The following COL5A1 variants were observed in gnomAD, a reference collection of about 807,000 sequenced individuals.
The protein encoded by COL5A1 is collagen type V alpha 1 chain.
COL5A1 carries 16 observed loss-of-function variants against 263.7 expected under a neutral mutation model. The ratio of observed to expected loss-of-function variants is 0.06; its 90% CI spans 0.04 to 0.09. The LOEUF (loss-of-function observed/expected upper bound fraction) is 0.09, where lower values mean the gene tolerates loss of function less well. Ranked by LOEUF, COL5A1 falls within the 10% of genes least tolerant of loss-of-function variation. The pLI is 1.00. For synonymous variants in COL5A1, 1,012 were observed against 1,004.5 expected, an observed-to-expected ratio of 1.01 and a Z score of -0.14; for missense variants, 2,036 against 2,540.5, an observed-to-expected ratio of 0.80 and a Z score of 4.27.
intron 2 of COL5A1, among the ~76,000 whole-genome samples, chr9:134,697,255 G>A (rs192960527): frequency 1.3e-5 from 2 of 152,262 alleles, no homozygotes; most frequent in East Asian, 3.9e-4. Flanking sequence ...CCATCTCACA[G>A]TGACAATAAA....
intron 39 of COL5A1, among the ~76,000 whole-genome samples, chr9:134,804,120 A>T (rs964820133): frequency 6.6e-6 from 1 of 152,206 alleles, no homozygotes. Flanking sequence ...AAGTGAAGCA[A>T]ATGAAGAAAT....
At chr9:134,659,385 A>T (rs962752305) in intron 1 of COL5A1, among the ~76,000 whole-genome samples, 2 of 152,186 alleles carry the variant, frequency 1.3e-5, no homozygotes, top group Non-Finnish European at 2.9e-5. Flanking sequence ...ACTCCATCTC[A>T]AAACAATAAT....
intron 4 of COL5A1, among the ~76,000 whole-genome samples, chr9:134,715,054 C>T (rs1287485326): frequency 1.3e-5 from 2 of 152,000 alleles, no homozygotes; most frequent in Admixed American, 1.3e-4. Context: ...AGGGGACCAG[C>T]GCTCAGCATA....
At position 134,841,256 on chromosome 9, in the gene COL5A1, G is replaced by A. The variant is rs1830096161; in HGVS notation, c.5371-901G>A. Among the ~76,000 whole-genome samples the A allele has an allele frequency of 1.3e-5, 2 of 152,370 alleles. No individual in the cohort carries two copies. Among genetic ancestry groups the A allele is most frequent in the South Asian group, 4.1e-4 (2 of 4,826 alleles). On this transcript the variant is annotated intron_variant, in intron 65 of 65. Coordinates refer to ENST00000371817, the MANE Select transcript of COL5A1 (RefSeq NM_000093.5). The surrounding 1 kb of genome is among the most constrained non-coding windows in gnomAD (Gnocchi z 4.8). ...GCGTTTGCAGGCTCCTGGTTTGCGGGAAAGGTGCGGCCTCCAGGGCCCTTG... is the reference window on the plus strand; with the variant it reads ...GCGTTTGCAGGCTCCTGGTTTGCGGAAAAGGTGCGGCCTCCAGGGCCCTTG...
Position 134,745,172 on chromosome 9 carries a change from C to T in COL5A1, c.1495-5370C>T, listed in dbSNP as rs76566791. ...GAACTGTGGGTTTCTCTGCTGTAGC[C>T]CTGGAGGCAGTGTGTGTCTCCCAAA... On this transcript the variant is annotated intron_variant, in intron 11 of 65. Transcript: ENST00000371817. 2.3e-3 allele frequency among the ~76,000 whole-genome samples: 352 copies of T among 152,302 alleles called. 1 individual carries two copies. The highest frequency in any genetic ancestry group is 8.0e-3 in the African/African-American group (331 of 41,568).
intron 10 of COL5A1, 81 bp from the exon 11 acceptor site, chr9:134,738,665 T>C: frequency 8.5e-7 from 1 of 1,174,888 alleles, no homozygotes; most frequent in Non-Finnish European, 1.3e-6. Flanking sequence ...CCCCCACCTC[T>C]GCCTTGGTTG....
chr9:134,679,984 A>C (rs573190324), intron 1 of COL5A1, among the ~76,000 whole-genome samples: 1 of 152,164 alleles, frequency 6.6e-6, no homozygotes, highest in East Asian at 1.9e-4. Context: ...GTGCCGGGTC[A>C]GGTGGGCCTG....
intron 9 of COL5A1, among the ~76,000 whole-genome samples, chr9:134,736,359 A>G (rs563992854): frequency 6.6e-6 from 1 of 152,356 alleles, no homozygotes; most frequent in East Asian, 1.9e-4. Context: ...ACATAGCGGA[A>G]GGCATCGCAT....
Position 134,652,840 on chromosome 9 carries a change from C to T in COL5A1, c.109+10544C>T, listed in dbSNP as rs2132475837. 2.4e-6 allele frequency: 1 copy of T among 422,946 alleles called. No individual in the cohort carries two copies. Among genetic ancestry groups the T allele is most frequent in the South Asian group, 1.7e-5 (1 of 58,344 alleles). 26.2% of individuals were successfully genotyped at this position (422,946 alleles called of 1,614,324 possible). A position where few individuals can be genotyped will look rare whatever the true frequency, so the allele number is the denominator to read the frequency against. On this transcript the variant is annotated intron_variant, in intron 1 of 65. Coordinates refer to ENST00000371817, the MANE Select transcript of COL5A1 (RefSeq NM_000093.5). This position sits in a 1 kb window ranked among gnomAD's most constrained non-coding sequence, Gnocchi z 4.4. Reference sequence around the variant, plus strand: ...AGGCCCCAGAATCCCCCCGAGGCCTCTCTTAAGGCACAGATTGTTTCTGAC... The same window carrying T: ...AGGCCCCAGAATCCCCCCGAGGCCTTTCTTAAGGCACAGATTGTTTCTGAC...
At chr9:134,790,949 T>C (rs1336146584) in intron 32 of COL5A1, among the ~76,000 whole-genome samples, 2 of 152,114 alleles carry the variant, frequency 1.3e-5, no homozygotes, top group African/African-American at 4.8e-5. Flanking sequence ...CATGGAGGAC[T>C]GTGTGGGACC....
chr9:134,764,627 T>C (rs1456642600), intron 20 of COL5A1, among the ~76,000 whole-genome samples: 1 of 152,142 alleles, frequency 6.6e-6, no homozygotes, highest in Non-Finnish European at 1.5e-5. Context: ...ATCTCTTTTC[T>C]CGTAGCCAAG....
intron 9 of COL5A1, among the ~76,000 whole-genome samples, chr9:134,737,623 G>A (rs1355290824): frequency 3.3e-5 from 5 of 152,196 alleles, no homozygotes; most frequent in Admixed American, 1.3e-4. Flanking sequence ...TGACCCTGGC[G>A]TTGCCAGGTC....
chr9:134,761,346 C>T (rs1287101079), intron 18 of COL5A1, among the ~76,000 whole-genome samples: 1 of 152,198 alleles, frequency 6.6e-6, no homozygotes, highest in Non-Finnish European at 1.5e-5. Context: ...GTTGATTGCT[C>T]CCGTAAGCAT....
intron 50 of COL5A1, among the ~76,000 whole-genome samples, chr9:134,815,221 C>G (rs1051659303): frequency 6.6e-6 from 1 of 152,240 alleles, no homozygotes; most frequent in Non-Finnish European, 1.5e-5. Flanking sequence ...GATTTTGCAT[C>G]AGGAGGGGCT....
chr9:134,815,901 G>A (rs1236098600), intron 51 of COL5A1, 34 bp from the exon 52 acceptor site: 1 of 1,613,514 alleles, frequency 6.2e-7, no homozygotes, highest in Admixed American at 1.7e-5. Context: ...GTGCCATCCG[G>A]GGTTCAGCAA....
chr9:134,814,086 G>A (rs1344474889), intron 49 of COL5A1, 50 bp downstream of exon 49: 2 of 1,530,322 alleles, frequency 1.3e-6, no homozygotes, highest in Non-Finnish European at 1.8e-6. Context: ...GAGCGGGTGT[G>A]TGGACGGGGT....
chr9:134,811,297 C>T lies in COL5A1; in HGVS notation c.3529-42C>T, dbSNP rs143296639. 177 of 1,597,386 alleles carry T rather than the reference C, an allele frequency of 1.1e-4. 1 individual carries two copies. Among genetic ancestry groups the T allele is most frequent in the South Asian group, 1.1e-3 (99 of 90,734 alleles). On this transcript the variant is annotated intron_variant, in intron 44 of 65. Transcript: ENST00000371817. ...TCCACCCCTCCCTCAGCCTTATCCA[C>T]GATCCAAGAAGCTACCTATGTCTCT...
At position 134,757,802 on chromosome 9, in the gene COL5A1, G is replaced by A. The variant is rs987175204; in HGVS notation, c.1882-441G>A. Among the ~76,000 whole-genome samples the A allele has an allele frequency of 6.6e-6, 1 of 152,142 alleles. No homozygotes were observed. The highest frequency in any genetic ancestry group is 1.5e-5 in the Non-Finnish European group (1 of 68,012). ...GCCTGAGGGTAGCCAGTGCTGGCCC[G>A]TCCACCAATGGGTACGCGTACCTCC... On this transcript the variant is annotated intron_variant, in intron 17 of 65. Transcript: ENST00000371817. The surrounding 1 kb of genome is among the most constrained non-coding windows in gnomAD (Gnocchi z 6.2).
intron 4 of COL5A1, among the ~76,000 whole-genome samples, chr9:134,717,890 G>A (rs868628503): frequency 1.3e-5 from 2 of 152,118 alleles, no homozygotes; most frequent in Admixed American, 1.3e-4. Flanking sequence ...GTCATGGGGG[G>A]GCTGGCTCAA....
Sources: allele counts gnomAD v4.1 joint callset (sites outside exome capture counted in the v4.1 genomes callset), GRCh38; gene constraint gnomAD v4.1.1; non-coding constraint Gnocchi (gnomAD v3.1); transcripts MANE v1.5; gene names NCBI Gene and HGNC (gene_info 2026-07-23, HGNC 2026-07-21).